DNAH9: variants seen among roughly 807,000 people sequenced by gnomAD.
DNAH9 encodes the protein DNAH9 variant protein.
In DNAH9, 345 loss-of-function variants were observed where a neutral mutation model predicts 471.6. The ratio of observed to expected loss-of-function variants is 0.73; its 90% CI spans 0.67 to 0.80. DNAH9 has a LOEUF of 0.80. DNAH9 is among the 30% of genes least tolerant of loss of function. The pLI is 0.00. For synonymous variants in DNAH9, 2,093 were observed against 2,123.6 expected (o/e 0.99, Z 0.40); for missense variants, 5,407 against 5,609.2 (o/e 0.96, Z 1.15).
rs972891113 is a variant in DNAH9 at position 11,781,693 on chromosome 17, G to A, written c.7718+519G>A. Among the ~76,000 whole-genome samples, 43 of 151,972 alleles carry A rather than the reference G, an allele frequency of 2.8e-4. 1 individual carries two copies. Among genetic ancestry groups the A allele is most frequent in the Admixed American group, 1.9e-3 (29 of 15,266 alleles). On this transcript the variant is annotated intron_variant, in intron 39 of 68. Coordinates refer to ENST00000262442, the MANE Select transcript of DNAH9 (RefSeq NM_001372.4). The stretch of plus-strand genomic sequence containing the variant: ...CTGAAAATACAAAAATTAGCCAGGC[G>A]TGATGGCAGGCGCCTGTAGTCCCAG...
chr17:11,657,533 GAAA>G (rs2073675095), intron 14 of DNAH9, among the ~76,000 whole-genome samples: 1 of 152,030 alleles, frequency 6.6e-6, no homozygotes, highest in African/African-American at 2.4e-5. Flanking sequence ...ATGTTGATGA[GAAA>G]TAGTTTTAAA....
At position 11,697,104 on chromosome 17, in the gene DNAH9, G is replaced by A. The variant is rs145376078; in HGVS notation, c.4873-2627G>A. Among the ~76,000 whole-genome samples the A allele has an allele frequency of 3.3e-4, 50 of 152,196 alleles. 1 individual carries two copies. In the East Asian group the frequency reaches 5.0e-3, roughly 15 times the overall value. On this transcript the variant is annotated intron_variant, in intron 22 of 68. Transcript: ENST00000262442. ...ACTCCTGGCTTCAAGTGATCCTCCC[G>A]TCTTGGCCTCCCACAGTGTTGGGAT...
chr17:11,810,107 C>T, intron 44 of DNAH9, 139 bp from the exon 45 acceptor site: 5 of 1,060,816 alleles, frequency 4.7e-6, no homozygotes, highest in Admixed American at 5.6e-5. Flanking sequence ...GATAGCCCTC[C>T]CCCAGCTTCC....
intron 22 of DNAH9, among the ~76,000 whole-genome samples, 188 bp downstream of exon 22, chr17:11,694,635 TTTCTTG>T (rs1446197682): frequency 2.3e-4 from 1 of 4,296 alleles, no homozygotes; most frequent in African/African-American, 3.0e-4. Context: ...GCTTTCTTGC[TTTCTTG>T]CTTTCTCGCT....
At position 11,598,817 on chromosome 17, in the gene DNAH9, G is replaced by C. The variant is rs999011787; in HGVS notation, c.319G>C (p.Gly107Arg). Residue 107 changes from glycine (G) to arginine (R), a missense_variant, in exon 1 of 69, where the codon GGG (glycine) becomes CGG (arginine). Physicochemically the swap from Gly to Arg is moderately radical, Grantham distance 125. Transcript: ENST00000262442. ...GAKALFFLRT[G>R]PEPPGPDSFR... is the part of the protein sequence containing the mutation. ...TAAGGCGCTTTTTTTCCTTCGCACC[G>C]GGCCCGAGCCTCCAGGGCCCGACAG... 3.4e-6 allele frequency: 5 copies of C among 1,489,956 alleles called. No homozygotes were observed. Among genetic ancestry groups the C allele is most frequent in the Non-Finnish European group, 4.4e-6 (5 of 1,124,340 alleles). The allele number at this position is 1,489,956 out of a possible 1,614,324, so 92.3% of individuals were successfully genotyped here.
Position 11,752,826 on chromosome 17 carries a change from C to G in DNAH9, c.6611-7C>G. 1 of 1,566,654 alleles carries G rather than the reference C, an allele frequency of 6.4e-7. No individual in the cohort carries two copies. Among genetic ancestry groups the G allele is most frequent in the African/African-American group, 1.4e-5 (1 of 73,224 alleles). On this transcript the variant is annotated splice_polypyrimidine_tract_variant and splice_region_variant and intron_variant, in intron 32 of 68. Transcript: ENST00000262442. The stretch of plus-strand genomic sequence containing the variant: ...ATGGAAAATAAGGTGTCAGTGGTTC[C>G]TTTTAGGATTGTTCTCTTCCATCAT...
intron 5 of DNAH9, 144 bp from the exon 6 acceptor site, chr17:11,619,404 T>C: frequency 1.6e-6 from 1 of 639,526 alleles, no homozygotes; most frequent in East Asian, 2.6e-5. Flanking sequence ...GCAGTCCACA[T>C]GTGGAATGGA....
chr17:11,946,301 A>G (rs1268537253), intron 67 of DNAH9, among the ~76,000 whole-genome samples: 1 of 151,842 alleles, frequency 6.6e-6, no homozygotes, highest in African/African-American at 2.4e-5. Context: ...GATTTTGTCT[A>G]TCAGGAGGGG....
In DNAH9 at chr17:11,623,043, G is replaced by A. The variant is rs1159374370; in HGVS notation, c.1350+3262G>A. Among the ~76,000 whole-genome samples, 1 of 147,982 alleles carries A rather than the reference G, an allele frequency of 6.8e-6. No individual in the cohort carries two copies. Among genetic ancestry groups the A allele is most frequent in the Non-Finnish European group, 1.5e-5 (1 of 67,426 alleles). ...GGCTGGAGTGCAGTGGCACAATCTCGGCTCACGACAACCTCTGCCTCCTGG... is the reference window on the plus strand; with the variant it reads ...GGCTGGAGTGCAGTGGCACAATCTCAGCTCACGACAACCTCTGCCTCCTGG... On this transcript the variant is annotated intron_variant, in intron 6 of 68. Transcript: ENST00000262442. This position sits in a 1 kb window ranked among gnomAD's most constrained non-coding sequence, Gnocchi z 4.1.
intron 41 of DNAH9, among the ~76,000 whole-genome samples, chr17:11,786,923 C>G (rs1245654147): frequency 6.6e-6 from 1 of 152,194 alleles, no homozygotes; most frequent in Non-Finnish European, 1.5e-5. Context: ...TCAGCTGCTC[C>G]AAGTGTGGAG....
intron 48 of DNAH9, among the ~76,000 whole-genome samples, chr17:11,830,770 G>T (rs1278808995): frequency 2.0e-5 from 3 of 152,108 alleles, no homozygotes; most frequent in Admixed American, 6.6e-5. Context: ...TCAAAGATAG[G>T]GCTTAATTTG....
chr17:11,792,237 GCACTCCAGCCTGGGC>G (rs1404759984), intron 41 of DNAH9, among the ~76,000 whole-genome samples: 1 of 152,192 alleles, frequency 6.6e-6, no homozygotes, highest in Non-Finnish European at 1.5e-5. Flanking sequence ...TCACACCGTT[GCACTCCAGCCTGGGC>G]AACAAGAGCG....
chr17:11,744,310 C>T (rs1475540298), intron 30 of DNAH9, among the ~76,000 whole-genome samples: 1 of 152,158 alleles, frequency 6.6e-6, no homozygotes, highest in Non-Finnish European at 1.5e-5. Flanking sequence ...GTCCACTCTC[C>T]CACAGACCCT....
At chr17:11,952,472 T>G (rs1296384907) in intron 67 of DNAH9, among the ~76,000 whole-genome samples, 1 of 146,074 alleles carries the variant, frequency 6.8e-6, no homozygotes, top group Non-Finnish European at 1.5e-5. Context: ...AATTTTTAAT[T>G]TTATAATTTT....
At chr17:11,680,664 G>C in intron 18 of DNAH9, 59 bp from the exon 19 acceptor site, 1 of 1,475,092 alleles carries the variant, frequency 6.8e-7, no homozygotes, top group Non-Finnish European at 9.4e-7. Context: ...TCCAGCTCAG[G>C]ACTATGGGAG....
intron 1 of DNAH9, among the ~76,000 whole-genome samples, chr17:11,600,649 G>A (rs151278253): frequency 1.5e-3 from 226 of 152,194 alleles, no homozygotes; most frequent in African/African-American, 5.0e-3. Context: ...TGACTGATAT[G>A]GAATATTCCT....
At position 11,937,509 on chromosome 17, in the gene DNAH9, CA is replaced by C. The variant is rs1431701789; in HGVS notation, c.12649del (p.Arg4217GlufsTer16). 6.2e-7 allele frequency: 1 copy of C among 1,611,874 alleles called. No homozygotes were observed. Among genetic ancestry groups the C allele is most frequent in the Non-Finnish European group, 8.5e-7 (1 of 1,178,758 alleles). On this transcript the variant is annotated frameshift_variant, in exon 66 of 69. Transcript: ENST00000262442. LOFTEE classifies it high-confidence loss of function. The surrounding 1 kb of genome is among the most constrained non-coding windows in gnomAD (Gnocchi z 4.1). ...DSQARDGAGA[T>X]REEKVKALLE... ...CAGGCCAGAGACGGAGCGGGCGCCA[CA>C]AGAGAAGAAAAGGTGTGTGTGGTGG...
intron 61 of DNAH9, among the ~76,000 whole-genome samples, chr17:11,918,330 C>T (rs1234045083): frequency 1.3e-5 from 2 of 152,098 alleles, no homozygotes; most frequent in Admixed American, 1.3e-4. Flanking sequence ...CTCCCAGGCT[C>T]AAGTGATCCT....
At chr17:11,956,989 T>G (rs1975674736) in intron 67 of DNAH9, among the ~76,000 whole-genome samples, 1 of 151,784 alleles carries the variant, frequency 6.6e-6, no homozygotes, top group African/African-American at 2.4e-5. Flanking sequence ...AAGCTGGTTC[T>G]TTTTAAAAAT....
Sources: gnomAD v4.1 joint callset for allele counts (sites outside exome capture counted in the v4.1 genomes callset) on GRCh38, gnomAD v4.1.1 for gene constraint, Gnocchi (gnomAD v3.1) non-coding constraint, MANE v1.5 for transcripts, NCBI Gene and HGNC (gene_info 2026-07-23, HGNC 2026-07-21) for gene names.